Variants in LMNB1 observed in about 807,000 individuals in gnomAD.
LMNB1 encodes lamin B1.
A neutral mutation model predicts 67.1 loss-of-function variants in LMNB1; 23 were observed. The observed-to-expected ratio is 0.34, with a 90% confidence interval of 0.25 to 0.49. LMNB1 has a LOEUF of 0.49. Among genes scored for constraint, LMNB1 ranks in the 20% least tolerant of loss-of-function variants. The pLI, the probability that LMNB1 is intolerant of heterozygous loss-of-function variation, is 0.99. For synonymous variants in LMNB1, 281 were observed against 282.9 expected, an observed-to-expected ratio of 0.99 and a Z score of 0.07; for missense variants, 634 against 746.5, an observed-to-expected ratio of 0.85 and a Z score of 1.76.
At chr5:126,807,152 TCAAA>T (rs372570863) in intron 3 of LMNB1, among the ~76,000 whole-genome samples, 125 of 152,268 alleles carry the variant, frequency 8.2e-4, no homozygotes, top group Middle Eastern at 3.4e-3. Flanking sequence ...AAAACCGTTG[TCAAA>T]CAAAGGAAGT....
At chr5:126,812,143 G>A (rs1274974875) in intron 5 of LMNB1, among the ~76,000 whole-genome samples, 1 of 152,206 alleles carries the variant, frequency 6.6e-6, no homozygotes, top group Non-Finnish European at 1.5e-5. Context: ...TTGCCCTTGA[G>A]GAAGGAGCCT....
At position 126,836,421 on chromosome 5, in the gene LMNB1, A is replaced by G. The variant is rs997445264; in HGVS notation, c.*157A>G. ...CCTTAATTTCCTTTTTGACACTGAA[A>G]GTTTTGTAAAAGAAATCATGTCCAT... On this transcript the variant is annotated 3_prime_UTR_variant, in exon 11 of 11. Transcript: ENST00000261366. 4.9e-5 allele frequency: 28 copies of G among 570,832 alleles called. No homozygotes were observed. The highest frequency in any genetic ancestry group is 8.1e-5 in the Non-Finnish European group (26 of 320,278). 35.4% of individuals were successfully genotyped at this position (570,832 alleles called of 1,614,324 possible).
At chr5:126,777,933 T>A (rs934051971) in intron 1 of LMNB1, 66 bp downstream of exon 1, 2 of 1,361,436 alleles carry the variant, frequency 1.5e-6, no homozygotes, top group Non-Finnish European at 1.9e-6. Flanking sequence ...GGCGACCAGC[T>A]CACCGGGTTC....
chr5:126,813,233 C>T (rs990956095), intron 5 of LMNB1, among the ~76,000 whole-genome samples: 2 of 152,136 alleles, frequency 1.3e-5, no homozygotes, highest in Non-Finnish European at 2.9e-5. Flanking sequence ...TTGTTACTTA[C>T]GGCACAAATT....
intron 1 of LMNB1, among the ~76,000 whole-genome samples, chr5:126,786,545 C>G (rs1450876119): frequency 6.6e-6 from 1 of 152,206 alleles, no homozygotes; most frequent in East Asian, 1.9e-4. Context: ...GGTAGCCTGA[C>G]TTCTAGCATT....
At chr5:126,826,160 T>C in intron 9 of LMNB1, 53 bp downstream of exon 9, 1 of 1,557,978 alleles carries the variant, frequency 6.4e-7, no homozygotes, top group Non-Finnish European at 8.7e-7. Context: ...TAAAGTTCAC[T>C]GTGCAAGTAT....
intron 3 of LMNB1, among the ~76,000 whole-genome samples, chr5:126,808,325 A>G (rs920698321): frequency 2.7e-5 from 4 of 150,560 alleles, no homozygotes; most frequent in Non-Finnish European, 5.9e-5. Flanking sequence ...CTGGGATTAC[A>G]GGTTCACACC....
At chr5:126,828,805 T>TACC (rs1561754887) in intron 9 of LMNB1, among the ~76,000 whole-genome samples, 14 of 151,856 alleles carry the variant, frequency 9.2e-5, no homozygotes, top group African/African-American at 1.7e-4. Flanking sequence ...TTGTGATCCG[T>TACC]CACCTCGGCC....
chr5:126,820,181 A>G (rs1002241861), intron 6 of LMNB1, among the ~76,000 whole-genome samples: 2 of 152,188 alleles, frequency 1.3e-5, no homozygotes, highest in Non-Finnish European at 2.9e-5. Context: ...TCCAAAAGGA[A>G]AGTGGCTGAT....
At chr5:126,799,283 A>AT (rs1185595428) in intron 1 of LMNB1, among the ~76,000 whole-genome samples, 4 of 152,212 alleles carry the variant, frequency 2.6e-5, no homozygotes, top group Admixed American at 2.6e-4. Flanking sequence ...AACTGCTGGG[A>AT]TTACAGGCGT....
rs1490533142 is a variant in LMNB1 at position 126,836,785 on chromosome 5, G to A, written c.*521G>A. ...TTTTTTTAAAATAGAAATTTTGTAA[G>A]AAGGCAATATTAACCTAATCACCAT... is the stretch of plus-strand genomic sequence containing the variant. On this transcript the variant is annotated 3_prime_UTR_variant, in exon 11 of 11. Transcript: ENST00000261366. The A allele has an allele frequency of 1.5e-5, 6 of 391,548 alleles. No homozygotes were observed. In the East Asian group the frequency reaches 2.2e-4, roughly 14 times the overall value. 24.3% of individuals were successfully genotyped at this position (391,548 alleles called of 1,614,324 possible). A position where few individuals can be genotyped will look rare whatever the true frequency, so the allele number is the denominator to read the frequency against.
At chr5:126,798,080 G>A (rs1751151911) in intron 1 of LMNB1, among the ~76,000 whole-genome samples, 1 of 152,076 alleles carries the variant, frequency 6.6e-6, no homozygotes, top group South Asian at 2.1e-4. Context: ...AGGTTGCAGT[G>A]AGCCGTGATT....
intron 3 of LMNB1, among the ~76,000 whole-genome samples, chr5:126,809,286 A>G (rs185048845): frequency 1.3e-5 from 2 of 152,364 alleles, no homozygotes; most frequent in Admixed American, 1.3e-4. Context: ...GAGTTAGTCA[A>G]CTAATATTGT....
intron 1 of LMNB1, among the ~76,000 whole-genome samples, chr5:126,797,084 C>G (rs1000693109): frequency 1.3e-5 from 2 of 152,198 alleles, no homozygotes; most frequent in African/African-American, 4.8e-5. Flanking sequence ...CCACTGCACC[C>G]AGCCTGGCTA....
chr5:126,812,903 G>A (rs1273380184), intron 5 of LMNB1, among the ~76,000 whole-genome samples: 2 of 151,668 alleles, frequency 1.3e-5, no homozygotes, highest in Non-Finnish European at 2.9e-5. Context: ...GCTAATTTTT[G>A]TATTTTTAGT....
intron 1 of LMNB1, among the ~76,000 whole-genome samples, chr5:126,781,945 G>A (rs956388262): frequency 2.6e-5 from 4 of 152,128 alleles, no homozygotes; most frequent in African/African-American, 7.2e-5. Flanking sequence ...CCATGCAGGT[G>A]GTGTCTGAAT....
rs369046461 is a variant in LMNB1 at position 126,795,791 on chromosome 5, A to AT, written c.360-8978dup. On this transcript the variant is annotated intron_variant, in intron 1 of 10. Transcript: ENST00000261366. ...AGGCATGCACAACCACACCTGGCTA[A>AT]TTTTTTTGTATTTGTTAGTTAGACG... Among the ~76,000 whole-genome samples, 488 of 151,076 alleles carry AT rather than the reference A, an allele frequency of 3.2e-3. 4 individuals are homozygous for AT. Among genetic ancestry groups the AT allele is most frequent in the African/African-American group, 0.011 (473 of 41,150 alleles).
intron 7 of LMNB1, 109 bp from the exon 8 acceptor site, chr5:126,822,672 A>G: frequency 1.7e-6 from 1 of 588,512 alleles, no homozygotes; most frequent in Non-Finnish European, 3.0e-6. Context: ...TGGGAAGATG[A>G]CCATAAAGCG....
chr5:126,804,725 C>T, intron 1 of LMNB1, 51 bp from the exon 2 acceptor site: 1 of 1,534,926 alleles, frequency 6.5e-7, no homozygotes, highest in Non-Finnish European at 8.9e-7. Flanking sequence ...GGGAGAAGAC[C>T]TCAAGTCATC....
Sources: allele counts gnomAD v4.1 joint callset (sites outside exome capture counted in the v4.1 genomes callset), GRCh38; gene constraint gnomAD v4.1.1; transcripts MANE v1.5; gene names NCBI Gene and HGNC (gene_info 2026-07-23, HGNC 2026-07-21).